Variants in CRYBG1 observed in about 807,000 individuals in gnomAD.
CRYBG1 encodes crystallin beta-gamma domain containing 1, also known as beta/gamma crystallin domain-containing protein 1.
A neutral mutation model predicts 189.2 loss-of-function variants in CRYBG1; 139 were observed. The observed-to-expected ratio is 0.73, with a 90% CI of 0.64 to 0.85. The LOEUF (loss-of-function observed/expected upper bound fraction) is 0.85. CRYBG1 is among the 40% of genes least tolerant of loss of function. The pLI is 0.00. For synonymous variants in CRYBG1, 1,023 were observed against 1,017.1 expected (o/e 1.01, Z -0.11); for missense variants, 2,611 against 2,675.8 (o/e 0.98, Z 0.53).
At chr6:106,410,862 G>T (rs749137913) in intron 1 of CRYBG1, among the ~76,000 whole-genome samples, 1 of 152,134 alleles carries the variant, frequency 6.6e-6, no homozygotes, top group African/African-American at 2.4e-5. Context: ...CTGTTGTGGG[G>T]TGGGGAGGCT....
chr6:106,373,217 G>C (rs1770076292), intron 1 of CRYBG1, among the ~76,000 whole-genome samples: 1 of 152,136 alleles, frequency 6.6e-6, no homozygotes, highest in Non-Finnish European at 1.5e-5. Flanking sequence ...GGGCATTCTT[G>C]TTTTCCTGGG....
At chr6:106,403,236 C>T (rs998503324) in intron 1 of CRYBG1, among the ~76,000 whole-genome samples, 2 of 152,124 alleles carry the variant, frequency 1.3e-5, no homozygotes, top group Non-Finnish European at 2.9e-5. Context: ...ACTCAGGAGG[C>T]TGAGGTGGGA....
At chr6:106,394,351 A>T (rs1770564455) in intron 1 of CRYBG1, among the ~76,000 whole-genome samples, 1 of 152,206 alleles carries the variant, frequency 6.6e-6, no homozygotes, top group Non-Finnish European at 1.5e-5. Context: ...TCCGTGACCC[A>T]TTCAATGTCT....
chr6:106,558,542 G>A lies in CRYBG1; in HGVS notation c.5772G>A (p.Lys1924=). The A allele has an allele frequency of 1.2e-6, 2 of 1,612,168 alleles. No homozygotes were observed. Among genetic ancestry groups the A allele is most frequent in the Non-Finnish European group, 1.7e-6 (2 of 1,178,540 alleles). The part of the protein sequence containing the change: ...LFEREDFKGK[K]IELNAETVNL... ...AAAGAGAAGACTTCAAAGGAAAAAA[G>A]ATTGAACTTAATGCAGAAACTGTCA... The change falls in exon 18 of 22, where the codon AAG becomes AAA. Residue 1924 remains lysine (K), a synonymous_variant. Coordinates refer to ENST00000633556, the MANE Select transcript of CRYBG1 (RefSeq NM_001371242.2).
chr6:106,380,406 C>A (rs1770262426), intron 1 of CRYBG1, among the ~76,000 whole-genome samples: 2 of 152,306 alleles, frequency 1.3e-5, no homozygotes, highest in South Asian at 4.1e-4. Flanking sequence ...TCCAGCTTCT[C>A]TGAGGCATCA....
At position 106,530,668 on chromosome 6, in the gene CRYBG1, G is replaced by A. The variant is rs572680660; in HGVS notation, c.4718+353G>A. On this transcript the variant is annotated intron_variant, in intron 8 of 21. Coordinates refer to ENST00000633556, the MANE Select transcript of CRYBG1 (RefSeq NM_001371242.2). ...CAAAGCACATGCCCCTGATATTTCT[G>A]GGGGGGGATGGAAGCCAACACACAT... is the stretch of plus-strand genomic sequence containing the variant. Among the ~76,000 whole-genome samples, 524 of 89,506 alleles carry A rather than the reference G, an allele frequency of 5.9e-3. 4 individuals are homozygous for A. The highest frequency in any genetic ancestry group is 0.019 in the African/African-American group (491 of 25,558). The allele number at this position is 89,506 out of a possible 152,430, so 58.7% of individuals were successfully genotyped here.
At chr6:106,431,555 G>C (rs574920648) in intron 1 of CRYBG1, among the ~76,000 whole-genome samples, 107 of 152,202 alleles carry the variant, frequency 7.0e-4, no homozygotes, top group African/African-American at 2.4e-3. Context: ...TAACTTGCTT[G>C]TTCCAGTTAA....
chr6:106,486,230 G>T (rs755952444), intron 2 of CRYBG1, among the ~76,000 whole-genome samples: 7 of 152,060 alleles, frequency 4.6e-5, no homozygotes, highest in African/African-American at 1.4e-4. Context: ...GATTATCAAA[G>T]AACATATTAT....
intron 2 of CRYBG1, among the ~76,000 whole-genome samples, chr6:106,462,531 G>A (rs1419534243): frequency 6.6e-6 from 1 of 152,154 alleles, no homozygotes; most frequent in East Asian, 1.9e-4. Context: ...AGTAGTTCCT[G>A]CTGGGTTACG....
intron 2 of CRYBG1, among the ~76,000 whole-genome samples, chr6:106,470,527 G>T (rs1464567329): frequency 6.6e-6 from 1 of 151,660 alleles, no homozygotes; most frequent in Non-Finnish European, 1.5e-5. Context: ...AGCCAATATT[G>T]CACCACTGCA....
Position 106,537,605 on chromosome 6 carries a change from G to A in CRYBG1, c.4719-1798G>A, listed in dbSNP as rs188214174. 4.0e-3 allele frequency among the ~76,000 whole-genome samples: 611 copies of A among 152,086 alleles called. 4 individuals carry two copies. Among genetic ancestry groups the A allele is most frequent in the South Asian group, 0.011 (53 of 4,808 alleles). On this transcript the variant is annotated intron_variant, in intron 8 of 21. Coordinates refer to ENST00000633556, the MANE Select transcript of CRYBG1 (RefSeq NM_001371242.2). ...TAACTTTTTTTGAAGCATAACATTT[G>A]TACAAAAAGGTACATAAACCCTAAA...
chr6:106,389,751 A>G (rs887631299), intron 1 of CRYBG1, among the ~76,000 whole-genome samples: 1 of 151,914 alleles, frequency 6.6e-6, no homozygotes, highest in African/African-American at 2.4e-5. Context: ...GCTTTTATGG[A>G]TATACTTATA....
chr6:106,528,102 G>A (rs538490680), intron 7 of CRYBG1, among the ~76,000 whole-genome samples: 11 of 152,266 alleles, frequency 7.2e-5, no homozygotes, highest in South Asian at 2.1e-4. Flanking sequence ...TAATGGAGAC[G>A]AGTGTCAAGA....
At chr6:106,515,298 C>T (rs1281021586) in intron 3 of CRYBG1, among the ~76,000 whole-genome samples, 4 of 152,300 alleles carry the variant, frequency 2.6e-5, no homozygotes, top group Non-Finnish European at 5.9e-5. Context: ...TCCTTTTAAT[C>T]AGTCTGAAGT....
At chr6:106,567,308 A>AT (rs1774918048) in intron 21 of CRYBG1, among the ~76,000 whole-genome samples, 1 of 152,164 alleles carries the variant, frequency 6.6e-6, no homozygotes, top group African/African-American at 2.4e-5. Flanking sequence ...CTTACACATA[A>AT]AGGCCCAAAA....
At chr6:106,371,350 A>G (rs1770024464) in intron 1 of CRYBG1, among the ~76,000 whole-genome samples, 1 of 152,210 alleles carries the variant, frequency 6.6e-6, no homozygotes, top group South Asian at 2.1e-4. Flanking sequence ...TTTATCATGC[A>G]TGTCATTACA....
intron 16 of CRYBG1, 150 bp downstream of exon 16, chr6:106,553,717 C>A: frequency 1.5e-6 from 1 of 645,746 alleles, no homozygotes; most frequent in Non-Finnish European, 2.8e-6. Context: ...ATCTGAGTAC[C>A]AGACGCCAGA....
chr6:106,504,297 T>C (rs1348565004), intron 2 of CRYBG1, among the ~76,000 whole-genome samples: 1 of 152,140 alleles, frequency 6.6e-6, no homozygotes, highest in Non-Finnish European at 1.5e-5. Context: ...GAAATTGGAC[T>C]GTAGATCAAA....
At chr6:106,541,770 G>A in intron 10 of CRYBG1, 149 bp downstream of exon 10, 1 of 654,624 alleles carries the variant, frequency 1.5e-6, no homozygotes, top group Non-Finnish European at 2.6e-6. Flanking sequence ...ACACATAAAT[G>A]CAGCCAAAGG....
Sources: allele counts gnomAD v4.1 joint callset (sites outside exome capture counted in the v4.1 genomes callset), GRCh38; gene constraint gnomAD v4.1.1; transcripts MANE v1.5; gene names NCBI Gene and HGNC (gene_info 2026-07-23, HGNC 2026-07-21).